The following DNAH8 variants were observed in gnomAD, a reference collection of about 807,000 sequenced individuals.
The protein encoded by DNAH8 is dynein axonemal heavy chain 8, also known as axonemal beta dynein heavy chain 8.
A neutral mutation model predicts 562.1 loss-of-function variants in DNAH8; 382 were observed. The observed-to-expected ratio is 0.68, with a 90% CI of 0.63 to 0.74. The LOEUF (loss-of-function observed/expected upper bound fraction) is 0.74, where lower values mean the gene tolerates loss of function less well. Ranked by LOEUF, DNAH8 falls within the 30% of genes least tolerant of loss-of-function variation. The pLI, the probability that DNAH8 is intolerant of heterozygous loss-of-function variation, is 0.00. For missense variants in DNAH8, 5,203 were observed against 5,620.4 expected (o/e 0.93, Z 2.37); for synonymous variants, 1,881 against 1,919.4 (o/e 0.98, Z 0.52).
At chr6:38,994,849 G>A (rs1046326946) in intron 88 of DNAH8, among the ~76,000 whole-genome samples, 1 of 151,924 alleles carries the variant, frequency 6.6e-6, no homozygotes, top group Non-Finnish European at 1.5e-5. Context: ...TCACCATGTT[G>A]ACCAGGCTGG....
chr6:38,980,621 C>T (rs1763970905), intron 85 of DNAH8, among the ~76,000 whole-genome samples: 1 of 152,166 alleles, frequency 6.6e-6, no homozygotes, highest in Non-Finnish European at 1.5e-5. Flanking sequence ...TGGCTGTCTA[C>T]CTTGGATCAA....
intron 7 of DNAH8, among the ~76,000 whole-genome samples, chr6:38,739,146 A>T (rs1222811854): frequency 1.3e-5 from 2 of 151,936 alleles, no homozygotes; most frequent in Non-Finnish European, 1.5e-5. Flanking sequence ...GGATGGCTTG[A>T]TGTTATCATA....
intron 58 of DNAH8, among the ~76,000 whole-genome samples, chr6:38,893,103 G>A (rs1396678601): frequency 6.6e-6 from 1 of 152,186 alleles, no homozygotes; most frequent in East Asian, 1.9e-4. Flanking sequence ...CTTGATGGCA[G>A]CAGAGTTAGC....
chr6:38,815,564 C>T lies in DNAH8; in HGVS notation c.3430C>T (p.Gln1144Ter), dbSNP rs980655511. The T allele has an allele frequency of 1.2e-6, 2 of 1,613,924 alleles. No individual in the cohort carries two copies. Among genetic ancestry groups the T allele is most frequent in the Non-Finnish European group, 1.7e-6 (2 of 1,179,954 alleles). ...CAGAGGAGTGGCTCACTGGGGGCAA[C>T]AGCAAATCCGTCCCATCAAGTCTGT... ...VSRGVAHWGQ[Q>*]QIRPIKSVIP... Residue 1144 changes from glutamine to a stop codon, truncating the protein, a stop_gained, in exon 26 of 93, where the codon CAG becomes TAG. Transcript: ENST00000327475. LOFTEE classifies it high-confidence loss of function.
At chr6:38,790,497 C>A in intron 20 of DNAH8, 92 bp downstream of exon 20, 1 of 630,420 alleles carries the variant, frequency 1.6e-6, no homozygotes, top group Non-Finnish European at 2.7e-6. Context: ...AAGGGTATGA[C>A]TTTTAACTAA....
chr6:38,862,819 A>G (rs900064245), intron 44 of DNAH8, among the ~76,000 whole-genome samples: 3 of 152,206 alleles, frequency 2.0e-5, no homozygotes, highest in African/African-American at 7.2e-5. Flanking sequence ...AACACTGGAA[A>G]ATAAGAAGGG....
intron 30 of DNAH8, 87 bp from the exon 31 acceptor site, chr6:38,832,235 T>G: frequency 4.3e-5 from 33 of 762,430 alleles, no homozygotes; most frequent in Non-Finnish European, 7.4e-5. Context: ...AGGATATCTG[T>G]GAGATACACT....
At chr6:38,898,656 A>G (rs1204433447) in intron 61 of DNAH8, among the ~76,000 whole-genome samples, 5 of 152,214 alleles carry the variant, frequency 3.3e-5, no homozygotes, top group Non-Finnish European at 2.9e-5. Flanking sequence ...AGTATGGAGA[A>G]CCTTTAGAAA....
At chr6:38,782,367 G>A (rs762816905) in intron 16 of DNAH8, among the ~76,000 whole-genome samples, 3 of 151,944 alleles carry the variant, frequency 2.0e-5, no homozygotes, top group Non-Finnish European at 2.9e-5. Context: ...TGCAACCTCC[G>A]CATCCTGGGT....
chr6:38,827,733 CTTTTTTTTTTTTTTTTTTTTT>C lies in DNAH8; in HGVS notation c.4084-433_4084-413del, dbSNP rs562852660. Reference sequence around the variant, plus strand: ...TGCAAAAGCTTAATTCTTTACCAAACTTTTTTTTTTTTTTTTTTTTTTTTTTTTTTTTTTTTTTGGTGAAGA... The same window carrying C: ...TGCAAAAGCTTAATTCTTTACCAAACTTTTTTTTTTTTTTTTTGGTGAAGA... On this transcript the variant is annotated intron_variant, in intron 29 of 92. Coordinates refer to ENST00000327475, the MANE Select transcript of DNAH8 (RefSeq NM_001206927.2). Among the ~76,000 whole-genome samples, 19 of 52,244 alleles carry C rather than the reference CTTTTTTTTTTTTTTTTTTTTT, an allele frequency of 3.6e-4. 3 individuals are homozygous for C. Among genetic ancestry groups the C allele is most frequent in the Middle Eastern group, 0.025 (2 of 80 alleles). The allele number at this position is 52,244 out of a possible 152,430, so 34.3% of individuals were successfully genotyped here. A position where few individuals can be genotyped will look rare whatever the true frequency, so the allele number is the denominator to read the frequency against.
intron 74 of DNAH8, chr6:38,928,135 A>T (rs1016609123): frequency 2.6e-5 from 4 of 152,228 alleles, no homozygotes; most frequent in Non-Finnish European, 5.9e-5. Context: ...TCAGGAATTC[A>T]CTGGTCACCT....
At position 38,908,066 on chromosome 6, in the gene DNAH8, A is replaced by G. The variant is rs745722973; in HGVS notation, c.9459A>G (p.Glu3153=). The change falls in exon 64 of 93, where the codon GAA becomes GAG. Residue 3153 remains glutamate, a synonymous_variant. Coordinates refer to ENST00000327475, the MANE Select transcript of DNAH8 (RefSeq NM_001206927.2). ...RHPPTFDNLY[E]YFISRSRKNL... is the part of the protein sequence containing the mutation. ...CTCCTACCTTTGATAATTTGTATGA[A>G]TACTTCATTTCAAGATCAAGGAAGA... 8.1e-6 allele frequency: 13 copies of G among 1,608,964 alleles called. No homozygotes were observed. The highest frequency in any genetic ancestry group is 1.6e-4 in the Middle Eastern group (1 of 6,072).
chr6:38,815,122 A>C (rs1772126879), intron 25 of DNAH8, among the ~76,000 whole-genome samples: 1 of 152,208 alleles, frequency 6.6e-6, no homozygotes, highest in Non-Finnish European at 1.5e-5. Flanking sequence ...TCTAACACAT[A>C]GTCTGTAATT....
At chr6:38,946,638 G>A (rs1277194533) in intron 80 of DNAH8, among the ~76,000 whole-genome samples, 8 of 152,096 alleles carry the variant, frequency 5.3e-5, no homozygotes, top group South Asian at 2.1e-4. Flanking sequence ...GTGAAACCCC[G>A]ACTCTACTAA....
At chr6:38,929,367 G>A (rs866459833) in intron 74 of DNAH8, 144 bp from the exon 75 acceptor site, 65 of 769,742 alleles carry the variant, frequency 8.4e-5, no homozygotes, top group African/African-American at 7.4e-4. Context: ...ATTAATTTTT[G>A]TATGTTACTT....
chr6:38,803,364 A>G (rs183431046), intron 22 of DNAH8, 53 bp downstream of exon 22: 2 of 1,442,162 alleles, frequency 1.4e-6, no homozygotes, highest in Admixed American at 2.0e-5. Flanking sequence ...ATTCGTTCTT[A>G]TGTAAGCACC....
chr6:38,931,006 A>T (rs531049541), intron 75 of DNAH8, among the ~76,000 whole-genome samples: 1 of 152,222 alleles, frequency 6.6e-6, no homozygotes, highest in South Asian at 2.1e-4. Flanking sequence ...TACAGTGTTT[A>T]TCTGTGTCTG....
chr6:38,799,946 CT>C (rs934099888), intron 21 of DNAH8, among the ~76,000 whole-genome samples: 6 of 151,956 alleles, frequency 3.9e-5, no homozygotes, highest in African/African-American at 7.3e-5. Flanking sequence ...AACTTAATTT[CT>C]TTTTTTTCTT....
chr6:38,723,099 T>C lies in DNAH8; in HGVS notation c.290T>C (p.Ile97Thr). 1 of 1,612,892 alleles carries C rather than the reference T, an allele frequency of 6.2e-7. No individual in the cohort carries two copies. The highest frequency in any genetic ancestry group is 8.5e-7 in the Non-Finnish European group (1 of 1,179,898). ...GCACCGCGACCGGTTCAGTCAGTGA[T>C]TTCGGAAGTGCTGTCCTTGCCGTCT... ...RLAPRPVQSV[I>T]SEVLSLPSSR... Residue 97 changes from isoleucine to threonine, a missense_variant, in exon 2 of 93, where the codon ATT becomes ACT. Ile to Thr is a moderately conservative substitution (Grantham distance 89). Coordinates refer to ENST00000327475, the MANE Select transcript of DNAH8 (RefSeq NM_001206927.2).
Sources: allele counts gnomAD v4.1 joint callset (sites outside exome capture counted in the v4.1 genomes callset), GRCh38; gene constraint gnomAD v4.1.1; transcripts MANE v1.5; gene names NCBI Gene and HGNC (gene_info 2026-07-23, HGNC 2026-07-21).